ADK: variants seen among roughly 807,000 people sequenced by gnomAD.
ADK encodes N6,N6-dimethyladenosine kinase.
ADK carries 24 observed loss-of-function variants against 44.7 expected under a neutral mutation model. The ratio of observed to expected loss-of-function variants is 0.54; its 90% confidence interval spans 0.39 to 0.76. The LOEUF (loss-of-function observed/expected upper bound fraction) is 0.76, where lower values mean the gene tolerates loss of function less well. Ranked by LOEUF, ADK falls within the 30% of genes least tolerant of loss-of-function variation. The pLI is 0.00. For synonymous variants in ADK, 128 were observed against 142.6 expected, an observed-to-expected ratio of 0.90 and a Z score of 0.73; for missense variants, 321 against 425.1, an observed-to-expected ratio of 0.76 and a Z score of 2.15.
intron 8 of ADK, among the ~76,000 whole-genome samples, chr10:74,599,834 C>T (rs1852054403): frequency 6.6e-6 from 1 of 152,134 alleles, no homozygotes; most frequent in Admixed American, 6.5e-5. Context: ...TCTCTCAAAT[C>T]AGTCCTTTGA....
At chr10:74,252,871 C>T (rs1179119837) in intron 3 of ADK, among the ~76,000 whole-genome samples, 1 of 152,140 alleles carries the variant, frequency 6.6e-6, no homozygotes, top group Non-Finnish European at 1.5e-5. Context: ...TTAGACTTTC[C>T]CTGTATCATA....
intron 6 of ADK, among the ~76,000 whole-genome samples, chr10:74,454,310 GC>G (rs1041475731): frequency 2.0e-5 from 3 of 152,094 alleles, no homozygotes; most frequent in Admixed American, 6.5e-5. Flanking sequence ...GAAATAACTA[GC>G]AAAAGTTTTG....
chr10:74,355,537 T>C (rs1468327554), intron 4 of ADK, among the ~76,000 whole-genome samples: 1 of 152,226 alleles, frequency 6.6e-6, no homozygotes, highest in African/African-American at 2.4e-5. Flanking sequence ...TCTTTAATGC[T>C]TAGTATCTGC....
At chr10:74,647,608 A>C (rs1201906641) in intron 9 of ADK, among the ~76,000 whole-genome samples, 1 of 152,148 alleles carries the variant, frequency 6.6e-6, no homozygotes, top group African/African-American at 2.4e-5. Context: ...TGTGTGTACT[A>C]CTAATTCTGA....
intron 4 of ADK, among the ~76,000 whole-genome samples, chr10:74,322,550 GGTT>G (rs1840850815): frequency 5.3e-5 from 8 of 152,150 alleles, no homozygotes; most frequent in Admixed American, 5.2e-4. Flanking sequence ...TTTCAAATTA[GGTT>G]GTTAAGTTTT....
Position 74,530,107 on chromosome 10 carries a change from T to C in ADK, c.726+4681T>C, listed in dbSNP as rs543873762. 2.0e-5 allele frequency among the ~76,000 whole-genome samples: 3 copies of C among 152,296 alleles called. 1 individual carries two copies. Among genetic ancestry groups the C allele is most frequent in the South Asian group, 4.1e-4 (2 of 4,826 alleles). The stretch of plus-strand genomic sequence containing the variant: ...ATATCAGTTGAGTGATGAAATTTAA[T>C]AGGGATAATAAAAATTATATCGTAT... On this transcript the variant is annotated intron_variant, in intron 7 of 10. Transcript: ENST00000539909.
At chr10:74,207,201 G>A (rs1004454250) in intron 2 of ADK, among the ~76,000 whole-genome samples, 7 of 152,120 alleles carry the variant, frequency 4.6e-5, no homozygotes, top group Non-Finnish European at 1.0e-4. Flanking sequence ...ACGTCTGGAC[G>A]AGGATAATAT....
chr10:74,327,595 A>C (rs1841064668), intron 4 of ADK, among the ~76,000 whole-genome samples: 2 of 152,168 alleles, frequency 1.3e-5, no homozygotes, highest in African/African-American at 2.4e-5. Flanking sequence ...GGGGTGCTGA[A>C]GTTTCCTACT....
At chr10:74,338,244 G>T (rs2131866114) in intron 4 of ADK, among the ~76,000 whole-genome samples, 1 of 152,272 alleles carries the variant, frequency 6.6e-6, no homozygotes, top group East Asian at 1.9e-4. Context: ...ATAAGATACT[G>T]CTGCATACAT....
At chr10:74,492,165 A>G (rs1847514650) in intron 6 of ADK, among the ~76,000 whole-genome samples, 1 of 152,192 alleles carries the variant, frequency 6.6e-6, no homozygotes, top group South Asian at 2.1e-4. Flanking sequence ...TAACCACAGT[A>G]TATTTATCCA....
intron 4 of ADK, among the ~76,000 whole-genome samples, chr10:74,387,921 T>A (rs890126818): frequency 2.0e-5 from 3 of 152,136 alleles, no homozygotes; most frequent in African/African-American, 7.2e-5. Flanking sequence ...TTTTTCTTTT[T>A]TTTTGAGAGG....
At chr10:74,166,932 C>T (rs1228069329) in intron 1 of ADK, among the ~76,000 whole-genome samples, 1 of 152,116 alleles carries the variant, frequency 6.6e-6, no homozygotes, top group Non-Finnish European at 1.5e-5. Flanking sequence ...CTATTAAGGT[C>T]TCTGTCTGGA....
chr10:74,233,827 CA>C (rs754085203), intron 3 of ADK, among the ~76,000 whole-genome samples: 14 of 152,088 alleles, frequency 9.2e-5, no homozygotes, highest in Non-Finnish European at 2.1e-4. Context: ...TCAACAATAA[CA>C]AAAAAGGATA....
At chr10:74,187,018 T>C (rs950010213) in intron 1 of ADK, among the ~76,000 whole-genome samples, 3 of 152,194 alleles carry the variant, frequency 2.0e-5, no homozygotes, top group African/African-American at 7.2e-5. Context: ...ACCACTAAAC[T>C]TTTCCAAAAT....
chr10:74,195,569 G>A (rs1001395601), intron 1 of ADK, among the ~76,000 whole-genome samples: 3 of 151,906 alleles, frequency 2.0e-5, no homozygotes, highest in Non-Finnish European at 4.4e-5. Context: ...CTGCAACCTC[G>A]ACCTTCCAGG....
chr10:74,239,457 C>T (rs1845109699), intron 3 of ADK, among the ~76,000 whole-genome samples: 1 of 152,010 alleles, frequency 6.6e-6, no homozygotes, highest in Non-Finnish European at 1.5e-5. Context: ...TGCCTGTAAT[C>T]CCACCACTTT....
chr10:74,167,174 T>C (rs1842057931), intron 1 of ADK, among the ~76,000 whole-genome samples: 1 of 152,150 alleles, frequency 6.6e-6, no homozygotes, highest in Non-Finnish European at 1.5e-5. Flanking sequence ...AAAATATAAA[T>C]GTAGAAAAAT....
intron 4 of ADK, among the ~76,000 whole-genome samples, chr10:74,336,577 G>A (rs532030410): frequency 2.0e-5 from 3 of 151,864 alleles, no homozygotes; most frequent in Non-Finnish European, 2.9e-5. Context: ...CAATATGCAG[G>A]GGAAATGCTG....
intron 1 of ADK, among the ~76,000 whole-genome samples, chr10:74,163,660 C>G (rs956423419): frequency 3.3e-5 from 5 of 152,122 alleles, no homozygotes; most frequent in Non-Finnish European, 5.9e-5. Context: ...ATTCAGATGT[C>G]TTAGGTTTTC....
Sources: gnomAD v4.1 joint callset for allele counts (sites outside exome capture counted in the v4.1 genomes callset) on GRCh38, gnomAD v4.1.1 for gene constraint, MANE v1.5 for transcripts, NCBI Gene and HGNC (gene_info 2026-07-23, HGNC 2026-07-21) for gene names.